Variants in STXBP5L observed in about 807,000 individuals in gnomAD.
STXBP5L encodes syntaxin binding protein 5L, also known as syntaxin-binding protein 5-like.
A neutral mutation model predicts 144.5 loss-of-function variants in STXBP5L; 65 were observed. The ratio of observed to expected loss-of-function variants is 0.45; its 90% confidence interval spans 0.37 to 0.55. STXBP5L has a LOEUF of 0.55. STXBP5L is among the 20% of genes least tolerant of loss of function. The pLI is 0.00. For missense variants in STXBP5L, 1,298 were observed against 1,405.5 expected (o/e 0.92, Z 1.22); for synonymous variants, 505 against 469.6 (o/e 1.08, Z -0.97).
intron 7 of STXBP5L, among the ~76,000 whole-genome samples, chr3:121,136,824 A>C (rs1303629802): frequency 2.0e-5 from 3 of 152,222 alleles, no homozygotes; most frequent in Non-Finnish European, 4.4e-5. Context: ...ACATGGAATC[A>C]ACCTAAGTGC....
intron 5 of STXBP5L, among the ~76,000 whole-genome samples, chr3:121,104,746 C>A (rs2043607716): frequency 6.6e-6 from 1 of 152,138 alleles, no homozygotes; most frequent in African/African-American, 2.4e-5. Context: ...AAAATCAACT[C>A]AAGATGGATC....
intron 3 of STXBP5L, among the ~76,000 whole-genome samples, chr3:121,010,893 G>T (rs574671755): frequency 9.4e-4 from 142 of 151,694 alleles, no homozygotes; most frequent in Non-Finnish European, 1.4e-3. Flanking sequence ...GGTTTGTCTT[G>T]CTGTCTGGGG....
At chr3:121,063,015 A>G (rs2041360094) in intron 5 of STXBP5L, among the ~76,000 whole-genome samples, 2 of 152,170 alleles carry the variant, frequency 1.3e-5, no homozygotes, top group African/African-American at 2.4e-5. Context: ...CTGTCAATTC[A>G]TCAAACTCAT....
chr3:120,953,121 G>A (rs900627552), intron 2 of STXBP5L, among the ~76,000 whole-genome samples: 1 of 151,740 alleles, frequency 6.6e-6, no homozygotes, highest in Admixed American at 6.6e-5. Flanking sequence ...TAGTTTCTAA[G>A]CAATTGTCAG....
At chr3:121,232,535 C>A (rs2049342209) in intron 11 of STXBP5L, among the ~76,000 whole-genome samples, 1 of 152,106 alleles carries the variant, frequency 6.6e-6, no homozygotes, top group Non-Finnish European at 1.5e-5. Flanking sequence ...GAGTAAAACA[C>A]CTGGACAGCT....
chr3:121,330,685 A>C (rs2044295083), intron 20 of STXBP5L, among the ~76,000 whole-genome samples: 2 of 152,108 alleles, frequency 1.3e-5, no homozygotes, highest in South Asian at 4.1e-4. Context: ...GCTGGAGACC[A>C]ACTAACACAG....
rs1203982496 is a variant in STXBP5L at position 121,237,572 on chromosome 3, A to G, written c.1185-1399A>G. Among the ~76,000 whole-genome samples, 4 of 152,186 alleles carry G rather than the reference A, an allele frequency of 2.6e-5. No homozygotes were observed. In the South Asian group the frequency reaches 8.3e-4, roughly 31 times the overall value. ...ATCTCTTTAGGAAGTAGTTGCTTAG[A>G]TTCCTCTCCTGAAAACACTCTTTTC... is the stretch of plus-strand genomic sequence containing the variant. On this transcript the variant is annotated intron_variant, in intron 12 of 26. Transcript: ENST00000471454.
intron 3 of STXBP5L, among the ~76,000 whole-genome samples, chr3:121,011,719 C>A (rs1204719724): frequency 6.6e-6 from 1 of 151,026 alleles, no homozygotes; most frequent in East Asian, 1.9e-4. Flanking sequence ...TTTTTCAGCC[C>A]CTTTCCCATC....
intron 20 of STXBP5L, among the ~76,000 whole-genome samples, chr3:121,334,810 C>T (rs2044447886): frequency 6.6e-6 from 1 of 152,088 alleles, no homozygotes; most frequent in Non-Finnish European, 1.5e-5. Flanking sequence ...AGGAATATAG[C>T]TCAAAATAAT....
At chr3:121,090,072 T>C (rs7645582) in intron 5 of STXBP5L, among the ~76,000 whole-genome samples, 32,461 of 152,144 alleles carry the variant, frequency 0.21, 3,688 homozygotes, top group Non-Finnish European at 0.26. Flanking sequence ...TAGTAACTAT[T>C]GCCTTTTTTC....
chr3:121,005,912 A>T (rs4048837), intron 3 of STXBP5L, among the ~76,000 whole-genome samples: 56,999 of 151,958 alleles, frequency 0.38, 10,888 homozygotes, highest in Non-Finnish European at 0.4. Flanking sequence ...CTGTGGTCTG[A>T]GAGACAGTTT....
intron 3 of STXBP5L, among the ~76,000 whole-genome samples, chr3:121,006,175 G>A (rs955659083): frequency 6.6e-6 from 1 of 152,130 alleles, no homozygotes; most frequent in East Asian, 1.9e-4. Context: ...CATTATTTTT[G>A]TGTGGGAGTC....
At chr3:121,356,170 C>G (rs955430587) in intron 20 of STXBP5L, among the ~76,000 whole-genome samples, 25 of 152,238 alleles carry the variant, frequency 1.6e-4, no homozygotes, top group Admixed American at 9.8e-4. Context: ...TAGGAGGCAG[C>G]CTGTCTGTTC....
chr3:121,145,201 A>G (rs1159144926), intron 7 of STXBP5L, among the ~76,000 whole-genome samples: 3 of 151,900 alleles, frequency 2.0e-5, no homozygotes, highest in Non-Finnish European at 4.4e-5. Context: ...ATTAATGGAA[A>G]AATCTTAAAT....
At chr3:121,002,670 A>T (rs932883562) in intron 3 of STXBP5L, among the ~76,000 whole-genome samples, 2 of 152,058 alleles carry the variant, frequency 1.3e-5, no homozygotes, top group African/African-American at 4.8e-5. Context: ...TTGTCATTTT[A>T]CATTAGGTAT....
At chr3:121,347,904 C>G (rs1300987119) in intron 20 of STXBP5L, among the ~76,000 whole-genome samples, 2 of 152,158 alleles carry the variant, frequency 1.3e-5, no homozygotes, top group African/African-American at 2.4e-5. Context: ...CATCTGCAAA[C>G]AGGGACAATT....
At chr3:121,087,915 T>G (rs1312279742) in intron 5 of STXBP5L, among the ~76,000 whole-genome samples, 1 of 152,126 alleles carries the variant, frequency 6.6e-6, no homozygotes. Context: ...AAATTACCAG[T>G]TTGAATGAAA....
intron 3 of STXBP5L, among the ~76,000 whole-genome samples, chr3:121,001,062 C>T (rs968181485): frequency 1.3e-5 from 2 of 152,184 alleles, no homozygotes; most frequent in African/African-American, 2.4e-5. Flanking sequence ...TGGATGCTGG[C>T]AAAAGCCCTT....
At chr3:121,039,572 A>G (rs1047047172) in intron 3 of STXBP5L, among the ~76,000 whole-genome samples, 2 of 151,914 alleles carry the variant, frequency 1.3e-5, no homozygotes, top group East Asian at 3.8e-4. Flanking sequence ...ACTATTTGAT[A>G]TCATTTCCCT....
Sources: gnomAD v4.1 joint callset for allele counts (sites outside exome capture counted in the v4.1 genomes callset) on GRCh38, gnomAD v4.1.1 for gene constraint, MANE v1.5 for transcripts, NCBI Gene and HGNC (gene_info 2026-07-23, HGNC 2026-07-21) for gene names.